The following OR4K1 variants were observed in gnomAD, a reference collection of about 807,000 sequenced individuals.
OR4K1 encodes olfactory receptor 4K1.
In OR4K1, 16 loss-of-function variants were observed where a neutral mutation model predicts 14.4. The ratio of observed to expected loss-of-function variants is 1.11; its 90% CI spans 0.75 to 1.68. The LOEUF (loss-of-function observed/expected upper bound fraction) is 1.68. Ranked by LOEUF, OR4K1 falls within the 40% of genes most tolerant of loss-of-function variation. The pLI is 0.00. For synonymous variants in OR4K1, 181 were observed against 133.1 expected (o/e 1.36, Z -2.48); for missense variants, 548 against 376.9 (o/e 1.45, Z -3.76).
Position 19,936,122 on chromosome 14 carries a change from C to T in OR4K1, c.456C>T (p.Gly152=), listed in dbSNP as rs762768302. Residue 152 remains glycine, a synonymous_variant, in exon 2 of 2, where the codon GGC becomes GGT. Coordinates refer to ENST00000641172, the MANE Select transcript of OR4K1 (RefSeq NM_001004063.3). ...VIFVSISWAV[G]VLHSVSHLAF... ...TTGTGTCTATTTCCTGGGCGGTGGG[C>T]GTTCTTCATTCTGTGAGCCACTTGG... 2.0e-5 allele frequency: 33 copies of T among 1,613,998 alleles called. No individual in the cohort carries two copies. Among genetic ancestry groups the T allele is most frequent in the Admixed American group, 6.7e-5 (4 of 60,004 alleles).
chr14:19,931,072 A>C lies in OR4K1; in HGVS notation c.-93A>C, dbSNP rs2138590261. 6.6e-6 allele frequency: 1 copy of C among 152,518 alleles called. No homozygotes were observed. Among genetic ancestry groups the C allele is most frequent in the South Asian group, 2.1e-4 (1 of 4,834 alleles). 9.4% of individuals were successfully genotyped at this position (152,518 alleles called of 1,614,324 possible). ...GAAGACTCATAGCAGAAAGTGGGAA[A>C]TGGAAACAAACCAGAGGACACCAAA... On this transcript the variant is annotated 5_prime_UTR_variant, in exon 1 of 2. An upstream start codon of the reference 5' UTR is lost. Coordinates refer to ENST00000641172, the MANE Select transcript of OR4K1 (RefSeq NM_001004063.3).
At chr14:19,932,592 C>T (rs537640909) in intron 1 of OR4K1, among the ~76,000 whole-genome samples, 1 of 152,258 alleles carries the variant, frequency 6.6e-6, no homozygotes, top group Non-Finnish European at 1.5e-5. Context: ...TAGAGCCCCA[C>T]CACTGTTCTA....
chr14:19,932,118 C>T (rs191510497), intron 1 of OR4K1, among the ~76,000 whole-genome samples: 60 of 152,180 alleles, frequency 3.9e-4, no homozygotes, highest in African/African-American at 1.3e-3. Flanking sequence ...TAGTTGTTTC[C>T]TATATTTTGA....
the OR4K1 span, chr14:19,920,932 G>T: frequency 6.2e-7 from 1 of 1,614,170 alleles, no homozygotes; most frequent in Non-Finnish European, 8.5e-7. Flanking sequence ...CTTTTTACTG[G>T]AGGGGAGATG....
chr14:19,929,392 TGTGTGTGTGTGTGC>T (rs1196975401), upstream of OR4K1, among the ~76,000 whole-genome samples: 39 of 144,078 alleles, frequency 2.7e-4, no homozygotes, highest in African/African-American at 9.8e-4. Context: ...TGTGTGTGTG[TGTGTGTGTGTGTGC>T]GTATGGGGGG....
At chr14:19,934,873 A>AT (rs1882269483) in intron 1 of OR4K1, among the ~76,000 whole-genome samples, 1 of 152,162 alleles carries the variant, frequency 6.6e-6, no homozygotes, top group Non-Finnish European at 1.5e-5. Context: ...GGGTTTCACC[A>AT]TGTTGGTCAG....
the OR4K1 span, chr14:19,920,847 A>G: frequency 2.5e-6 from 4 of 1,614,188 alleles, no homozygotes; most frequent in South Asian, 3.3e-5. Flanking sequence ...TACCCCTAAA[A>G]TGATTGCAGA....
intron 1 of OR4K1, among the ~76,000 whole-genome samples, chr14:19,933,792 T>G (rs2138594263): frequency 6.6e-6 from 1 of 152,238 alleles, no homozygotes; most frequent in African/African-American, 2.4e-5. Context: ...TCACCATGAT[T>G]GCCAGGCAGG....
chr14:19,922,134 T>C, the OR4K1 span, among the ~76,000 whole-genome samples: 1 of 151,774 alleles, frequency 6.6e-6, no homozygotes, highest in Non-Finnish European at 1.5e-5. Flanking sequence ...TGCTTTAAAA[T>C]ATGGAATGAT....
intron 1 of OR4K1, among the ~76,000 whole-genome samples, chr14:19,932,466 T>G (rs150203206): frequency 6.6e-6 from 1 of 152,334 alleles, no homozygotes; most frequent in Non-Finnish European, 1.5e-5. Context: ...CACTCTGAAA[T>G]GTAACAAGTG....
chr14:19,929,600 CAAAA>C (rs1882142254), upstream of OR4K1, among the ~76,000 whole-genome samples: 1 of 152,104 alleles, frequency 6.6e-6, no homozygotes, highest in Non-Finnish European at 1.5e-5. Flanking sequence ...TTTATGCAAT[CAAAA>C]GAAATGATTT....
chr14:19,925,036 A>G, the OR4K1 span, among the ~76,000 whole-genome samples: 1 of 152,250 alleles, frequency 6.6e-6, no homozygotes, highest in African/African-American at 2.4e-5. Flanking sequence ...ACACATTTCA[A>G]AGTAATAGGA....
the OR4K1 span, among the ~76,000 whole-genome samples, chr14:19,925,087 C>T: frequency 1.3e-5 from 2 of 151,894 alleles, no homozygotes; most frequent in African/African-American, 4.8e-5. Flanking sequence ...GTTTACAGAT[C>T]CTATAGACTT....
At position 19,935,737 on chromosome 14, in the gene OR4K1, A is replaced by C. The variant is rs765295084; in HGVS notation, c.71A>C (p.Gln24Pro). The change falls in exon 2 of 2, where the codon CAA (glutamine) becomes CCA (proline). Residue 24 changes from glutamine to proline, a missense_variant. Coordinates refer to ENST00000641172, the MANE Select transcript of OR4K1 (RefSeq NM_001004063.3). ...LLGLSNSWGL[Q>P]LFFFAIFSIV... ...GGACTCTCTAATTCCTGGGGACTTC[A>C]ACTTTTCTTTTTTGCCATCTTCTCT... 3 of 1,613,772 alleles carry C rather than the reference A, an allele frequency of 1.9e-6. No individual in the cohort carries two copies. The highest frequency in any genetic ancestry group is 2.5e-6 in the Non-Finnish European group (3 of 1,179,822).
intron 1 of OR4K1, among the ~76,000 whole-genome samples, chr14:19,935,359 A>T (rs530295102): frequency 6.6e-6 from 1 of 152,304 alleles, no homozygotes; most frequent in South Asian, 2.1e-4. Flanking sequence ...CATGTATTTC[A>T]CTTATACTTT....
the OR4K1 span, chr14:19,921,129 G>GAC: frequency 4.3e-6 from 7 of 1,614,046 alleles, no homozygotes; most frequent in Non-Finnish European, 5.1e-6. Context: ...TAATGTAGTA[G>GAC]ACAGCTTTTT....
chr14:19,932,593 C>G (rs1280708105), intron 1 of OR4K1, among the ~76,000 whole-genome samples: 1 of 152,236 alleles, frequency 6.6e-6, no homozygotes, highest in Non-Finnish European at 1.5e-5. Context: ...AGAGCCCCAC[C>G]ACTGTTCTAT....
At chr14:19,924,042 A>G in the OR4K1 span, among the ~76,000 whole-genome samples, 1 of 152,382 alleles carries the variant, frequency 6.6e-6, no homozygotes, top group Admixed American at 6.5e-5. Context: ...TGAATAAAAA[A>G]AAGTCAGTAG....
rs112338643 is a variant in OR4K1, at chr14:19,936,744, T to C, written c.*142T>C. ...TTGTTTTAAGTGCAAGGGAATTGCA[T>C]CAAGTCAGTCTCTGGTTCTATTTAA... is the stretch of plus-strand genomic sequence containing the variant. On this transcript the variant is annotated 3_prime_UTR_variant, in exon 2 of 2. Transcript: ENST00000641172. 2,090 of 584,252 alleles carry C rather than the reference T, an allele frequency of 3.6e-3. No homozygotes were observed. Among genetic ancestry groups the C allele is most frequent in the African/African-American group, 0.034 (1,747 of 51,858 alleles). The allele number at this position is 584,252 out of a possible 1,614,324, so 36.2% of individuals were successfully genotyped here. A position where few individuals can be genotyped will look rare whatever the true frequency, so the allele number is the denominator to read the frequency against.
Sources: allele counts gnomAD v4.1 joint callset (sites outside exome capture counted in the v4.1 genomes callset), GRCh38; gene constraint gnomAD v4.1.1; transcripts MANE v1.5; gene names NCBI Gene and HGNC (gene_info 2026-07-23, HGNC 2026-07-21).